Variants in TRPV3 observed in about 807,000 individuals in gnomAD.
The protein encoded by TRPV3 is VRL-3.
TRPV3 carries 88 observed loss-of-function variants against 87.1 expected under a neutral mutation model. That is an observed-to-expected ratio of 1.01 (90% CI 0.85 to 1.21). TRPV3 has a LOEUF of 1.21. Ranked by LOEUF, TRPV3 falls within the 50% of genes most tolerant of loss-of-function variation. TRPV3 has a pLI of 0.00. For missense variants in TRPV3, 1,054 were observed against 1,030.1 expected (o/e 1.02, Z -0.32); for synonymous variants, 438 against 423.3 (o/e 1.03, Z -0.43).
intron 14 of TRPV3, among the ~76,000 whole-genome samples, chr17:3,520,249 G>A (rs1197036667): frequency 4.6e-5 from 7 of 152,118 alleles, no homozygotes; most frequent in Admixed American, 6.5e-5. Flanking sequence ...CAACCAGATC[G>A]TGCTGTTCCC....
chr17:3,539,836 A>G (rs535413895), intron 6 of TRPV3, among the ~76,000 whole-genome samples: 14 of 152,262 alleles, frequency 9.2e-5, no homozygotes, highest in Middle Eastern at 3.4e-3. Flanking sequence ...CTCTGATAAA[A>G]TGCTTTAAAA....
Position 3,532,768 on chromosome 17 carries a change from C to A in TRPV3, c.954G>T (p.Lys318Asn). Residue 318 changes from lysine (K) to asparagine (N), a missense_variant, in exon 8 of 18, where the codon AAG becomes AAT. Physicochemically the swap from Lys to Asn is moderately conservative, Grantham distance 94. Transcript: ENST00000576742. Reference sequence around the variant, plus strand: ...GCAGTAGGATCATGTCGTACATGCGCTTCACAAAGTCATTCTGCGTCTTGA... The same window carrying A: ...GCAGTAGGATCATGTCGTACATGCGATTCACAAAGTCATTCTGCGTCTTGA... ...EDFKTQNDFV[K>N]RMYDMILLRS... 1 of 1,614,272 alleles carries A rather than the reference C, an allele frequency of 6.2e-7. No individual in the cohort carries two copies. Among genetic ancestry groups the A allele is most frequent in the Non-Finnish European group, 8.5e-7 (1 of 1,180,042 alleles).
At chr17:3,534,596 G>A (rs1041903692) in intron 7 of TRPV3, among the ~76,000 whole-genome samples, 4 of 151,942 alleles carry the variant, frequency 2.6e-5, no homozygotes, top group Non-Finnish European at 1.5e-5. Flanking sequence ...GAACAGAACT[G>A]TCCTCTAACA....
intron 6 of TRPV3, 107 bp from the exon 7 acceptor site, chr17:3,535,820 A>G (rs2150795569): frequency 7.9e-7 from 1 of 1,261,218 alleles, no homozygotes; most frequent in African/African-American, 1.6e-5. Flanking sequence ...GGAGATCAGA[A>G]CCCTGGTCTG....
At chr17:3,524,080 G>A in intron 13 of TRPV3, 118 bp downstream of exon 13, 1 of 1,329,348 alleles carries the variant, frequency 7.5e-7, no homozygotes, top group Non-Finnish European at 1.0e-6. Context: ...TGGCATTTGG[G>A]AGAAAGAGCA....
chr17:3,515,813 A>G (rs1232367377), intron 16 of TRPV3, among the ~76,000 whole-genome samples: 1 of 152,184 alleles, frequency 6.6e-6, no homozygotes, highest in Non-Finnish European at 1.5e-5. Context: ...GGTAAACAGC[A>G]GGAAAAGGAG....
At chr17:3,545,053 G>T in intron 3 of TRPV3, 114 bp downstream of exon 3, 1 of 659,778 alleles carries the variant, frequency 1.5e-6, no homozygotes, top group South Asian at 2.0e-5. Context: ...ATAATAGACA[G>T]TGGTAGCATG....
chr17:3,526,710 G>A (rs920922514), intron 12 of TRPV3, 144 bp downstream of exon 12: 2 of 663,530 alleles, frequency 3.0e-6, no homozygotes, highest in African/African-American at 1.8e-5. Flanking sequence ...AGGAAGAGAG[G>A]AGACCCCTGG....
chr17:3,535,900 T>G (rs112969293), intron 6 of TRPV3, among the ~76,000 whole-genome samples, 187 bp from the exon 7 acceptor site: 19 of 152,180 alleles, frequency 1.2e-4, no homozygotes, highest in African/African-American at 4.6e-4. Flanking sequence ...CCAAGAAATG[T>G]TTGTGGAGCG....
rs369780196 is a variant in TRPV3, at chr17:3,532,969, C to T, written c.785-32G>A. ...GATGAGCGCACTGAAGCTTGGTTCT[C>T]TCATGGGCCGGAAGCAGCGTCCCCC... On this transcript the variant is annotated intron_variant, in intron 7 of 17. Transcript: ENST00000576742. 1.2e-5 allele frequency: 20 copies of T among 1,607,628 alleles called. No individual in the cohort carries two copies. The African/African-American group carries it at 2.7e-4, about 21-fold the overall frequency.
chr17:3,519,704 AGATGGATGGATGGATG>A (rs145819534), intron 14 of TRPV3, among the ~76,000 whole-genome samples: 4 of 86,056 alleles, frequency 4.6e-5, no homozygotes, highest in Admixed American at 2.4e-4. Context: ...ATGGATGGAT[AGATGGATGGATGGATG>A]GATGGATGGA....
rs565795103 is a variant in TRPV3, at chr17:3,549,950, G to T, written c.120-4679C>A. On this transcript the variant is annotated intron_variant, in intron 2 of 17. Coordinates refer to ENST00000576742, the MANE Select transcript of TRPV3 (RefSeq NM_145068.4). ...TGGATGGATGGACAGATGATGTATG[G>T]ATGGATGGATGGATGATAGGTAGAT... 4.3e-3 allele frequency among the ~76,000 whole-genome samples: 642 copies of T among 149,260 alleles called. 3 individuals are homozygous for T. The highest frequency in any genetic ancestry group is 0.015 in the African/African-American group (599 of 39,452).
intron 15 of TRPV3, among the ~76,000 whole-genome samples, chr17:3,517,811 T>TC (rs2074197828): frequency 8.4e-4 from 1 of 1,188 alleles, no homozygotes. Context: ...TGAGCATTTC[T>TC]TTTTTTTTTT....
chr17:3,519,108 A>T (rs2074209628), intron 14 of TRPV3, among the ~76,000 whole-genome samples: 1 of 152,148 alleles, frequency 6.6e-6, no homozygotes, highest in Non-Finnish European at 1.5e-5. Context: ...GATCACTTGC[A>T]GCCTTGCAGA....
At chr17:3,554,898 G>C in intron 1 of TRPV3, 46 bp from the exon 2 acceptor site, 1 of 1,374,282 alleles carries the variant, frequency 7.3e-7, no homozygotes, top group Non-Finnish European at 1.0e-6. Flanking sequence ...GGGGACAGGG[G>C]GAGCTTCAGG....
intron 14 of TRPV3, 119 bp downstream of exon 14, chr17:3,520,854 C>A: frequency 1.9e-6 from 1 of 526,060 alleles, no homozygotes. Context: ...CCAAGCATGG[C>A]AAGTGCCCCA....
intron 6 of TRPV3, among the ~76,000 whole-genome samples, chr17:3,538,215 G>GT (rs1171577044): frequency 6.6e-6 from 1 of 151,934 alleles, no homozygotes. Flanking sequence ...AAGGCATTGT[G>GT]TTTTTAAAAG....
At chr17:3,535,938 T>C (rs2074405528) in intron 6 of TRPV3, among the ~76,000 whole-genome samples, 1 of 152,338 alleles carries the variant, frequency 6.6e-6, no homozygotes, top group South Asian at 2.1e-4. Context: ...CCCCAGGCGC[T>C]GGGGGTCAGT....
chr17:3,526,294 A>G (rs2074299022), intron 12 of TRPV3, among the ~76,000 whole-genome samples: 1 of 152,058 alleles, frequency 6.6e-6, no homozygotes, highest in Non-Finnish European at 1.5e-5. Flanking sequence ...CCTGACCAAC[A>G]TGGCGAAACC....
Sources: allele counts gnomAD v4.1 joint callset (sites outside exome capture counted in the v4.1 genomes callset), GRCh38; gene constraint gnomAD v4.1.1; transcripts MANE v1.5; gene names NCBI Gene and HGNC (gene_info 2026-07-23, HGNC 2026-07-21).